STXBP5L: variants seen among roughly 807,000 people sequenced by gnomAD.
STXBP5L encodes the protein syntaxin binding protein 5L.
Under a neutral mutation model 144.5 loss-of-function variants are expected in STXBP5L, and 65 were observed. That is an observed-to-expected ratio of 0.45 (90% CI 0.37 to 0.55). The LOEUF (loss-of-function observed/expected upper bound fraction) is 0.55, where lower values mean the gene tolerates loss of function less well. STXBP5L is among the 20% of genes least tolerant of loss of function. The pLI, the probability that STXBP5L is intolerant of heterozygous loss-of-function variation, is 0.00. For missense variants in STXBP5L, 1,298 were observed against 1,405.5 expected (o/e 0.92, Z 1.22); for synonymous variants, 505 against 469.6 (o/e 1.08, Z -0.97).
At chr3:121,269,963 T>C (rs1017244025) in intron 18 of STXBP5L, among the ~76,000 whole-genome samples, 1 of 152,220 alleles carries the variant, frequency 6.6e-6, no homozygotes, top group Non-Finnish European at 1.5e-5. Flanking sequence ...ACTTAAGTTG[T>C]GTTACTTGCC....
intron 3 of STXBP5L, among the ~76,000 whole-genome samples, chr3:121,039,852 CTG>C (rs1947023571): frequency 6.6e-6 from 1 of 151,532 alleles, no homozygotes; most frequent in African/African-American, 2.4e-5. Flanking sequence ...ATTTTTTTCT[CTG>C]TGTTATATTT....
At chr3:120,976,476 T>C (rs1386981379) in intron 3 of STXBP5L, among the ~76,000 whole-genome samples, 6 of 152,196 alleles carry the variant, frequency 3.9e-5, no homozygotes, top group Admixed American at 3.9e-4. Context: ...TCAATTTTGT[T>C]GATCATTTCA....
chr3:121,144,230 T>C (rs2045629030), intron 7 of STXBP5L, among the ~76,000 whole-genome samples: 1 of 151,564 alleles, frequency 6.6e-6, no homozygotes, highest in African/African-American at 2.4e-5. Context: ...CTATAAAGCA[T>C]GTGTCAGGGG....
At chr3:121,152,766 C>T (rs539301713) in intron 8 of STXBP5L, among the ~76,000 whole-genome samples, 6 of 152,174 alleles carry the variant, frequency 3.9e-5, no homozygotes, top group African/African-American at 1.2e-4. Flanking sequence ...CTGCCTATTT[C>T]GGGGCCCTCT....
At chr3:121,299,795 G>A (rs916355872) in intron 19 of STXBP5L, among the ~76,000 whole-genome samples, 12 of 151,420 alleles carry the variant, frequency 7.9e-5, no homozygotes, top group East Asian at 1.9e-4. Flanking sequence ...AAGACCAGCC[G>A]GACCAACATG....
chr3:120,992,502 C>T (rs1453130183), intron 3 of STXBP5L, among the ~76,000 whole-genome samples: 1 of 152,062 alleles, frequency 6.6e-6, no homozygotes, highest in African/African-American at 2.4e-5. Flanking sequence ...ACTCTACCTT[C>T]ATGAGATCAA....
intron 9 of STXBP5L, among the ~76,000 whole-genome samples, chr3:121,194,961 G>C (rs1462946304): frequency 7.6e-6 from 1 of 132,314 alleles, no homozygotes; most frequent in African/African-American, 2.9e-5. Flanking sequence ...CTGTCACCAG[G>C]CTGGAGTGCA....
At chr3:121,395,838 T>A (rs2046715736) in intron 22 of STXBP5L, among the ~76,000 whole-genome samples, 1 of 152,202 alleles carries the variant, frequency 6.6e-6, no homozygotes, top group Non-Finnish European at 1.5e-5. Flanking sequence ...GGTGGGTGGC[T>A]GTGTTCGACA....
chr3:121,234,336 G>A (rs1002513676), intron 12 of STXBP5L, among the ~76,000 whole-genome samples: 18 of 151,944 alleles, frequency 1.2e-4, no homozygotes, highest in African/African-American at 4.4e-4. Context: ...TCCTTGGCCT[G>A]GAATGACTTT....
At chr3:121,042,175 C>T (rs1346686444) in intron 4 of STXBP5L, among the ~76,000 whole-genome samples, 1 of 152,008 alleles carries the variant, frequency 6.6e-6, no homozygotes, top group Non-Finnish European at 1.5e-5. Flanking sequence ...GATCCTTTTG[C>T]TTATATACGT....
intron 3 of STXBP5L, among the ~76,000 whole-genome samples, chr3:121,006,776 T>C (rs568874671): frequency 5.5e-4 from 84 of 152,302 alleles, no homozygotes; most frequent in Middle Eastern, 3.4e-3. Flanking sequence ...CATTTGCTTG[T>C]CTGTGAAGGA....
chr3:121,098,902 C>G (rs1384462614), intron 5 of STXBP5L, among the ~76,000 whole-genome samples: 1 of 152,106 alleles, frequency 6.6e-6, no homozygotes, highest in Non-Finnish European at 1.5e-5. Flanking sequence ...ATAATTTTCT[C>G]CATTTCAGGC....
At chr3:120,954,387 C>T (rs953353396) in intron 2 of STXBP5L, among the ~76,000 whole-genome samples, 1 of 152,174 alleles carries the variant, frequency 6.6e-6, no homozygotes, top group South Asian at 2.1e-4. Context: ...ATCAATAACT[C>T]TTCAAGACAA....
At chr3:121,299,637 T>G (rs1460909688) in intron 19 of STXBP5L, among the ~76,000 whole-genome samples, 2 of 152,040 alleles carry the variant, frequency 1.3e-5, no homozygotes, top group African/African-American at 2.4e-5. Flanking sequence ...TTTTTCCAAA[T>G]TTGATGAAAA....
chr3:121,093,347 G>T (rs2042927779), intron 5 of STXBP5L, among the ~76,000 whole-genome samples: 1 of 152,162 alleles, frequency 6.6e-6, no homozygotes, highest in Non-Finnish European at 1.5e-5. Context: ...AGAAGGAATG[G>T]TACCAGTTCC....
intron 5 of STXBP5L, among the ~76,000 whole-genome samples, chr3:121,104,963 A>C (rs1461162698): frequency 1.3e-5 from 2 of 152,220 alleles, no homozygotes; most frequent in Non-Finnish European, 2.9e-5. Context: ...AGAGTGGGAG[A>C]AAATCTTGGC....
intron 3 of STXBP5L, among the ~76,000 whole-genome samples, chr3:121,002,854 C>T (rs1943905621): frequency 6.6e-6 from 1 of 152,024 alleles, no homozygotes; most frequent in East Asian, 1.9e-4. Flanking sequence ...TGGTTTCCAG[C>T]TTCATCCATG....
chr3:121,093,278 T>G (rs12497286), intron 5 of STXBP5L, among the ~76,000 whole-genome samples: 15,099 of 152,234 alleles, frequency 0.099, 1,180 homozygotes, highest in Admixed American at 0.2. Flanking sequence ...AGGATGATGC[T>G]GGCCTCATAA....
chr3:121,099,035 G>A (rs979745032), intron 5 of STXBP5L: 10 of 152,048 alleles, frequency 6.6e-5, no homozygotes, highest in Non-Finnish European at 7.4e-5. Context: ...ATATACATTC[G>A]TAAGCTTCCC....
Sources: allele counts gnomAD v4.1 joint callset (sites outside exome capture counted in the v4.1 genomes callset), GRCh38; gene constraint gnomAD v4.1.1; transcripts MANE v1.5; gene names NCBI Gene and HGNC (gene_info 2026-07-23, HGNC 2026-07-21).